ABL1: variants seen among roughly 807,000 people sequenced by gnomAD.
ABL1 encodes the protein tyrosine-protein kinase ABL1.
Under a neutral mutation model 94.7 loss-of-function variants are expected in ABL1, and 11 were observed. The observed-to-expected ratio is 0.12, with a 90% CI of 0.07 to 0.19. The LOEUF is 0.19. Among genes scored for constraint, ABL1 ranks in the 10% least tolerant of loss-of-function variants. ABL1 has a pLI of 1.00. For synonymous variants in ABL1, 656 were observed against 622.4 expected (o/e 1.05, Z -0.80); for missense variants, 1,082 against 1,489.4 (o/e 0.73, Z 4.50).
At chr9:130,805,712 G>A (rs1288720346) in intron 1 of ABL1, among the ~76,000 whole-genome samples, 3 of 152,138 alleles carry the variant, frequency 2.0e-5, no homozygotes, top group Non-Finnish European at 4.4e-5. Context: ...AACCACAGAA[G>A]CCAGAGTCAG....
chr9:130,866,898 A>G lies in ABL1; in HGVS notation c.822+3863A>G, dbSNP rs2132981417. On this transcript the variant is annotated intron_variant, in intron 4 of 10. Transcript: ENST00000318560. ...TCACTGTGTTGCCCAGCTGGCCTCAAACTCCTGGCTCAAGCAGTCCTCCCA... is the reference window on the plus strand; with the variant it reads ...TCACTGTGTTGCCCAGCTGGCCTCAGACTCCTGGCTCAAGCAGTCCTCCCA... Among the ~76,000 whole-genome samples the G allele has an allele frequency of 1.3e-5, 2 of 152,326 alleles. 1 individual carries two copies. Among genetic ancestry groups the G allele is most frequent in the South Asian group, 4.1e-4 (2 of 4,826 alleles).
intron 10 of ABL1, among the ~76,000 whole-genome samples, chr9:130,883,748 C>G (rs1025465388): frequency 6.6e-6 from 1 of 152,198 alleles, no homozygotes; most frequent in Admixed American, 6.5e-5. Flanking sequence ...GGCTGTGTCC[C>G]ACAGTGGGGA....
intron 1 of ABL1, among the ~76,000 whole-genome samples, chr9:130,715,588 A>G (rs1047152106): frequency 5.3e-5 from 8 of 152,210 alleles, no homozygotes; most frequent in Non-Finnish European, 8.8e-5. Context: ...AGGCAGGCAA[A>G]TATGGTAATG....
chr9:130,729,795 G>C (rs560765264), intron 1 of ABL1, among the ~76,000 whole-genome samples: 1 of 151,668 alleles, frequency 6.6e-6, no homozygotes, highest in South Asian at 2.1e-4. Context: ...GAGTGCAGTG[G>C]TGTGATCTTG....
chr9:130,713,399 C>T lies in ABL1; in HGVS notation c.-921C>T, dbSNP rs35195830. On this transcript the variant is annotated 5_prime_UTR_variant, in exon 1 of 11. Transcript: ENST00000372348. The stretch of plus-strand genomic sequence containing the variant: ...GACACTGCGGGTGGTCTGTTTCCCC[C>T]AGCTTGGGACACCCCGTTTTCTGAG... Among the ~76,000 whole-genome samples the T allele has an allele frequency of 4.3e-3, 658 of 152,312 alleles. 2 individuals carry two copies. The highest frequency in any genetic ancestry group is 0.014 in the African/African-American group (602 of 41,578).
intron 1 of ABL1, among the ~76,000 whole-genome samples, chr9:130,795,427 T>C (rs569334091): frequency 1.6e-4 from 24 of 152,256 alleles, no homozygotes; most frequent in Non-Finnish European, 3.1e-4. Flanking sequence ...CAGTATCATA[T>C]GTGCTCGCAC....
At chr9:130,779,354 C>T (rs1829725445) in intron 1 of ABL1, among the ~76,000 whole-genome samples, 1 of 152,210 alleles carries the variant, frequency 6.6e-6, no homozygotes, top group African/African-American at 2.4e-5. Flanking sequence ...TAACAGTCAT[C>T]GTTCATGATG....
At chr9:130,812,682 CTT>C (rs1830224960) in intron 1 of ABL1, among the ~76,000 whole-genome samples, 2 of 152,180 alleles carry the variant, frequency 1.3e-5, no homozygotes, top group South Asian at 4.1e-4. Flanking sequence ...AAAATACAAA[CTT>C]TTCAAGGAGA....
chr9:130,796,409 G>T (rs1829974338), intron 1 of ABL1, among the ~76,000 whole-genome samples: 1 of 152,218 alleles, frequency 6.6e-6, no homozygotes, highest in East Asian at 1.9e-4. Flanking sequence ...TACTTGGAAG[G>T]CTGAGGCACA....
chr9:130,878,664 G>T, intron 8 of ABL1, 97 bp downstream of exon 8: 1 of 1,445,270 alleles, frequency 6.9e-7, no homozygotes, highest in Non-Finnish European at 9.5e-7. Flanking sequence ...GTTTTTCCAT[G>T]AGCTCTCTCC....
In ABL1 at chr9:130,774,019, A is replaced by C. The variant is rs189835746; in HGVS notation, c.136+59564A>C. Among the ~76,000 whole-genome samples, 3 of 152,246 alleles carry C rather than the reference A, an allele frequency of 2.0e-5. No homozygotes were observed. The East Asian group carries it at 5.8e-4, about 29-fold the overall frequency. ...CATAAATTAGTTTTCATTTATATAA[A>C]ATTTTAGAAAATACAGTCATATACT... On this transcript the variant is annotated intron_variant, in intron 1 of 10. Coordinates refer to the ABL1 transcript ENST00000372348.
intron 1 of ABL1, among the ~76,000 whole-genome samples, chr9:130,734,339 C>T (rs1421696296): frequency 6.7e-6 from 1 of 149,126 alleles, no homozygotes; most frequent in African/African-American, 2.5e-5. Context: ...TCAGCCTCCC[C>T]AGTAGCTGGG....
At chr9:130,855,997 C>T (rs1830968295) in intron 3 of ABL1, among the ~76,000 whole-genome samples, 1 of 152,126 alleles carries the variant, frequency 6.6e-6, no homozygotes, top group African/African-American at 2.4e-5. Flanking sequence ...CTCACTGCAA[C>T]CTCTGCTTCC....
rs542646469 is a variant in ABL1, at chr9:130,886,302, C to T, written c.*619C>T. On this transcript the variant is annotated 3_prime_UTR_variant, in exon 11 of 11. Coordinates refer to ENST00000318560, the MANE Select transcript of ABL1 (RefSeq NM_005157.6). ...CCATTTCCTCACGTGCAGGACAGCT[C>T]TTGATTTGGGTGGAAAACAGGGTGC... 1.6e-4 allele frequency: 38 copies of T among 234,660 alleles called. No homozygotes were observed. The highest frequency in any genetic ancestry group is 7.0e-4 in the African/African-American group (32 of 45,488). The allele number at this position is 234,660 out of a possible 1,614,324, so 14.5% of individuals were successfully genotyped here.
At position 130,884,727 on chromosome 9, in the gene ABL1, C is replaced by T. The variant is rs746986643; in HGVS notation, c.2437C>T (p.Leu813=). Residue 813 remains leucine, a synonymous_variant, in exon 11 of 11, where the codon CTG becomes TTG. Transcript: ENST00000318560. This position sits in a 1 kb window ranked among gnomAD's most constrained non-coding sequence, Gnocchi z 5.6. ...CAGCCCGGGCTCCAGCCCGCCCAAC[C>T]TGACTCCAAAACCCCTCCGGCGGCA... ...ESSPGSSPPN[L]TPKPLRRQVT... 5.6e-6 allele frequency: 9 copies of T among 1,612,494 alleles called. No homozygotes were observed. Among genetic ancestry groups the T allele is most frequent in the Admixed American group, 5.0e-5 (3 of 59,990 alleles).
intron 1 of ABL1, among the ~76,000 whole-genome samples, chr9:130,771,669 C>T (rs1370456044): frequency 6.6e-6 from 1 of 151,658 alleles, no homozygotes. Context: ...TTAAGTCATA[C>T]TGGGATAGCA....
chr9:130,830,482 T>C (rs2132894606), upstream of ABL1, among the ~76,000 whole-genome samples: 1 of 152,348 alleles, frequency 6.6e-6, no homozygotes, highest in East Asian at 1.9e-4. Context: ...TCTGTTACAT[T>C]TGAACCTTAG....
In ABL1 at chr9:130,862,990, C is replaced by T. The variant is rs754813636; in HGVS notation, c.777C>T (p.Gly259=). ...GGGQYGEVYE[G]VWKKYSLTVA... Reference sequence around the variant, plus strand: ...GCCAGTACGGGGAGGTGTACGAGGGCGTGTGGAAGAAATACAGCCTGACGG... The same window carrying T: ...GCCAGTACGGGGAGGTGTACGAGGGTGTGTGGAAGAAATACAGCCTGACGG... Residue 259 remains glycine (G), a synonymous_variant, in exon 4 of 11, where the codon GGC becomes GGT. Transcript: ENST00000318560. The surrounding 1 kb of genome is among the most constrained non-coding windows in gnomAD (Gnocchi z 5.5). 25 of 1,613,044 alleles carry T rather than the reference C, an allele frequency of 1.5e-5. No homozygotes were observed. The highest frequency in any genetic ancestry group is 1.2e-4 in the African/African-American group (9 of 74,982).
intron 3 of ABL1, among the ~76,000 whole-genome samples, chr9:130,855,442 A>G (rs1830958486): frequency 6.6e-6 from 1 of 152,218 alleles, no homozygotes; most frequent in African/African-American, 2.4e-5. Context: ...ATCATCCCCA[A>G]CGAGAAAAAT....
Sources: allele counts gnomAD v4.1 joint callset (sites outside exome capture counted in the v4.1 genomes callset), GRCh38; gene constraint gnomAD v4.1.1; non-coding constraint Gnocchi (gnomAD v3.1); transcripts MANE v1.5; gene names NCBI Gene and HGNC (gene_info 2026-07-23, HGNC 2026-07-21).